The following ALAS2 variants were observed in gnomAD, a reference collection of about 807,000 sequenced individuals.
The protein encoded by ALAS2 is 5-aminolevulinate synthase, erythroid-specific, mitochondrial.
Under a neutral mutation model 33.7 loss-of-function variants are expected in ALAS2, and 3 were observed. The observed-to-expected ratio is 0.09, with a 90% confidence interval of 0.04 to 0.23. The LOEUF (loss-of-function observed/expected upper bound fraction) is 0.23. Among genes scored for constraint, ALAS2 ranks in the 10% least tolerant of loss-of-function variants. The pLI is 1.00. For missense variants in ALAS2, 304 were observed against 475.1 expected (o/e 0.64, Z 3.35); for synonymous variants, 191 against 177.3 (o/e 1.08, Z -0.61).
chrX:55,029,721 A>G (rs1935957672), intron 1 of ALAS2, among the ~76,000 whole-genome samples: 1 of 111,999 alleles, frequency 8.9e-6, no homozygotes, highest in Non-Finnish European at 1.9e-5. Flanking sequence ...TTATGTACCT[A>G]ATGTGTGATA....
At chrX:55,014,209 C>G (rs1935659419) in intron 9 of ALAS2, among the ~76,000 whole-genome samples, 1 of 111,712 alleles carries the variant, frequency 9.0e-6, no homozygotes. Context: ...TATTGAGGAT[C>G]CAAAGTAGCA....
intron 10 of ALAS2, among the ~76,000 whole-genome samples, chrX:55,012,727 A>T (rs898913487): frequency 3.6e-5 from 4 of 112,373 alleles, no homozygotes; most frequent in Admixed American, 1.9e-4. Context: ...CGGGAGGCAG[A>T]GGTAGCAGTG....
chrX:55,014,252 G>T (rs1382212687), intron 9 of ALAS2, among the ~76,000 whole-genome samples: 1 of 111,299 alleles, frequency 9.0e-6, no homozygotes, highest in Non-Finnish European at 1.9e-5. Context: ...TTATTTTTCT[G>T]CCCTCATTTC....
chrX:55,028,127 C>A (rs1935923332), intron 1 of ALAS2, among the ~76,000 whole-genome samples: 1 of 111,205 alleles, frequency 9.0e-6, no homozygotes, highest in African/African-American at 3.3e-5. Context: ...TACCTCATAT[C>A]TGGAGATATG....
At position 55,013,665 on chromosome X, in the gene ALAS2, G is replaced by T; in HGVS notation, c.1438-17C>A. On this transcript the variant is annotated splice_polypyrimidine_tract_variant and intron_variant, in intron 9 of 10. Coordinates refer to ENST00000650242, the MANE Select transcript of ALAS2 (RefSeq NM_000032.5). ...ATTGCCCACCTGGACTCAGGAGAAA[G>T]GCTAATCAGTACCTGCCACTCTGGC... The T allele has an allele frequency of 1.7e-6, 2 of 1,210,213 alleles. No individual in the cohort carries two copies. The highest frequency in any genetic ancestry group is 2.2e-6 in the Non-Finnish European group (2 of 894,566).
intron 1 of ALAS2, chrX:55,027,793 C>A (rs752764063): frequency 8.3e-7 from 1 of 1,211,326 alleles, no homozygotes; most frequent in East Asian, 3.0e-5. Context: ...CCAGAGCAAC[C>A]TCTCCCCCTC....
At chrX:55,021,464 A>G (rs1328261566) in intron 4 of ALAS2, among the ~76,000 whole-genome samples, 190 bp from the exon 5 acceptor site, 1 of 112,023 alleles carries the variant, frequency 8.9e-6, no homozygotes, top group Non-Finnish European at 1.9e-5. Context: ...TTGCTTACTC[A>G]TTCACTCATT....
chrX:55,027,804 T>G (rs1935916914), intron 1 of ALAS2: 4 of 1,210,899 alleles, frequency 3.3e-6, no homozygotes, highest in Non-Finnish European at 4.5e-6. Flanking sequence ...TCTCCCCCTC[T>G]CATGGGCTGT....
chrX:55,015,745 G>A lies in ALAS2; in HGVS notation c.1004-3C>T. 2 of 1,210,878 alleles carry A rather than the reference G, an allele frequency of 1.7e-6. No homozygotes were observed. Among genetic ancestry groups the A allele is most frequent in the Non-Finnish European group, 2.2e-6 (2 of 895,049 alleles). ...CTCCTCGAGGGGACAGATGGCACCT[G>A]AGCAAAGCCAAGGGATAGAGGTAGG... On this transcript the variant is annotated splice_region_variant and splice_polypyrimidine_tract_variant and intron_variant, in intron 7 of 10. Transcript: ENST00000650242.
rs1168542972 is a variant in ALAS2 at position 55,024,946 on chromosome X, T to C, written c.182-106A>G. On this transcript the variant is annotated intron_variant, in intron 2 of 10. Coordinates refer to ENST00000650242, the MANE Select transcript of ALAS2 (RefSeq NM_000032.5). Reference sequence around the variant, plus strand: ...ACCCCTAAAGCCCTATCTCAGGCTATTGTAGAGACACAGAGATAGATGAGT... The same window carrying C: ...ACCCCTAAAGCCCTATCTCAGGCTACTGTAGAGACACAGAGATAGATGAGT... The C allele has an allele frequency of 2.9e-6, 3 of 1,043,963 alleles. No homozygotes were observed. In the East Asian group the frequency reaches 9.2e-5, roughly 32 times the overall value. The allele number at this position is 1,043,963 out of a possible 1,213,427, so 86.0% of individuals were successfully genotyped here.
At chrX:55,028,766 T>G in intron 1 of ALAS2, among the ~76,000 whole-genome samples, 1 of 110,477 alleles carries the variant, frequency 9.1e-6, no homozygotes, top group Non-Finnish European at 1.9e-5. Flanking sequence ...GGGCTCTGTT[T>G]CTATTCCATC....
intron 2 of ALAS2, among the ~76,000 whole-genome samples, 180 bp downstream of exon 2, chrX:55,025,640 G>T (rs1935879577): frequency 8.9e-6 from 1 of 112,170 alleles, no homozygotes; most frequent in Non-Finnish European, 1.9e-5. Context: ...CCGAGAATGA[G>T]ACTCTTTCTA....
rs146283636 is a variant in ALAS2 at position 55,022,895 on chromosome X, G to T, written c.415+862C>A. 4.6e-3 allele frequency among the ~76,000 whole-genome samples: 517 copies of T among 111,436 alleles called. 4 individuals carry two copies. Among genetic ancestry groups the T allele is most frequent in the Non-Finnish European group, 7.5e-3 (397 of 53,080 alleles). ...CAGTATATTGTTGAGTGAAAAAAGG[G>T]CACAGAGTAAAATATATAGCAAGAT... On this transcript the variant is annotated intron_variant, in intron 4 of 10. Coordinates refer to ENST00000650242, the MANE Select transcript of ALAS2 (RefSeq NM_000032.5).
intron 1 of ALAS2, chrX:55,027,721 G>A: frequency 8.3e-7 from 1 of 1,203,730 alleles, no homozygotes; most frequent in African/African-American, 1.7e-5. Context: ...CTCCCTTCCT[G>A]ATCTCATAGA....
At chrX:55,028,269 G>A (rs1935926700) in intron 1 of ALAS2, among the ~76,000 whole-genome samples, 1 of 111,180 alleles carries the variant, frequency 9.0e-6, no homozygotes, top group South Asian at 3.8e-4. Context: ...GGGCGTGGGA[G>A]AGAAGAGGAG....
intron 1 of ALAS2, among the ~76,000 whole-genome samples, chrX:55,028,550 C>A (rs913302918): frequency 2.7e-5 from 3 of 111,691 alleles, no homozygotes; most frequent in African/African-American, 9.8e-5. Context: ...GAGAAATTAA[C>A]ACACATCATT....
intron 6 of ALAS2, among the ~76,000 whole-genome samples, chrX:55,019,792 T>C (rs1322842597): frequency 1.8e-5 from 2 of 111,385 alleles, no homozygotes; most frequent in Non-Finnish European, 3.8e-5. Flanking sequence ...AAGGGATTGG[T>C]TTTAGGCAGA....
intron 2 of ALAS2, among the ~76,000 whole-genome samples, chrX:55,025,229 C>G (rs1215999379): frequency 8.9e-6 from 1 of 111,873 alleles, no homozygotes; most frequent in African/African-American, 3.3e-5. Flanking sequence ...CTGACAGGAG[C>G]AAAGGCACAA....
chrX:55,016,672 C>A (rs1291591423), intron 7 of ALAS2, among the ~76,000 whole-genome samples: 1 of 111,636 alleles, frequency 9.0e-6, no homozygotes. Flanking sequence ...TAAGAGGATG[C>A]CTAAAACACA....
Sources: allele counts gnomAD v4.1 joint callset (sites outside exome capture counted in the v4.1 genomes callset), GRCh38; gene constraint gnomAD v4.1.1; transcripts MANE v1.5; gene names NCBI Gene and HGNC (gene_info 2026-07-23, HGNC 2026-07-21).